RALGAPB: variants seen among roughly 807,000 people sequenced by gnomAD.
RALGAPB encodes ral GTPase-activating protein subunit beta.
In RALGAPB, 25 loss-of-function variants were observed where a neutral mutation model predicts 161.1. That is an observed-to-expected ratio of 0.16 (90% CI 0.11 to 0.22). The LOEUF is 0.22. Among genes scored for constraint, RALGAPB ranks in the 10% least tolerant of loss-of-function variants. The probability of loss-of-function intolerance (pLI) is 1.00; values close to 1 mark genes in which losing one functional copy is unlikely to be tolerated. For missense variants in RALGAPB, 1,391 were observed against 1,815.2 expected (o/e 0.77, Z 4.25); for synonymous variants, 629 against 626.1 (o/e 1.00, Z -0.07).
intron 1 of RALGAPB, among the ~76,000 whole-genome samples, chr20:38,477,422 T>C (rs2084838028): frequency 6.6e-6 from 1 of 152,116 alleles, no homozygotes; most frequent in South Asian, 2.1e-4. Flanking sequence ...TTTTCCATGT[T>C]TTGGGAGAGA....
intron 27 of RALGAPB, among the ~76,000 whole-genome samples, chr20:38,570,518 C>G (rs2088192030): frequency 6.6e-6 from 1 of 152,194 alleles, no homozygotes; most frequent in Non-Finnish European, 1.5e-5. Flanking sequence ...GTGATAGTTA[C>G]TTTTCAACCA....
intron 16 of RALGAPB, among the ~76,000 whole-genome samples, chr20:38,535,593 CTTT>C (rs35132331): frequency 2.1e-5 from 3 of 141,052 alleles, no homozygotes; most frequent in Non-Finnish European, 1.6e-5. Context: ...CTGGCTACAC[CTTT>C]TTTTTTTTTT....
chr20:38,494,821 C>G (rs1358160537), intron 3 of RALGAPB, among the ~76,000 whole-genome samples: 1 of 152,308 alleles, frequency 6.6e-6, no homozygotes, highest in Admixed American at 6.5e-5. Flanking sequence ...TCTCTTTCCT[C>G]TTTGTAAGCC....
At chr20:38,570,154 C>T (rs1382461609) in intron 27 of RALGAPB, among the ~76,000 whole-genome samples, 158 bp downstream of exon 27, 1 of 152,204 alleles carries the variant, frequency 6.6e-6, no homozygotes, top group Non-Finnish European at 1.5e-5. Context: ...TACTCAGTTT[C>T]TTTAAGCCTT....
chr20:38,479,507 G>A (rs1004145704), intron 1 of RALGAPB, among the ~76,000 whole-genome samples: 3 of 152,032 alleles, frequency 2.0e-5, no homozygotes, highest in South Asian at 2.1e-4. Context: ...GTTATTTTGC[G>A]GTGGTGCTTA....
chr20:38,473,522 C>G (rs1487256287), intron 1 of RALGAPB, among the ~76,000 whole-genome samples: 1 of 152,160 alleles, frequency 6.6e-6, no homozygotes, highest in Admixed American at 6.5e-5. Context: ...GCTTCTTATC[C>G]GCCAGGCATC....
chr20:38,558,362 A>G lies in RALGAPB; in HGVS notation c.3440A>G (p.Asp1147Gly). Reference sequence around the variant, plus strand: ...GATTCCACGATACCTGGATTTTTTGATGACATTGGGTATCTGGATCTCTTG... The same window carrying G: ...GATTCCACGATACCTGGATTTTTTGGTGACATTGGGTATCTGGATCTCTTG... ...ALDSTIPGFF[D>G]DIGYLDLLPC... The change falls in exon 23 of 30, where the codon GAT becomes GGT. Residue 1147 changes from aspartate (D) to glycine (G), a missense_variant. Physicochemically the swap from Asp to Gly is moderately conservative, Grantham distance 94. Around this residue, in one of 3 missense-constraint regions of RALGAPB, gnomAD observed 436 missense variants for 527.0 expected, o/e 0.83. Transcript: ENST00000262879. The G allele has an allele frequency of 1.2e-6, 2 of 1,608,018 alleles. No homozygotes were observed. Among genetic ancestry groups the G allele is most frequent in the Non-Finnish European group, 1.7e-6 (2 of 1,176,414 alleles).
Position 38,523,360 on chromosome 20 carries a change from G to A in RALGAPB, c.1620-1418G>A, listed in dbSNP as rs149902335. On this transcript the variant is annotated intron_variant, in intron 10 of 29. Transcript: ENST00000262879. ...CTTGTTGTGGGGGCATGTTTCTCAG[G>A]AACTCTGGGCTGGGGAGATATCCTA... 5.9e-5 allele frequency among the ~76,000 whole-genome samples: 9 copies of A among 152,252 alleles called. No individual in the cohort carries two copies. In the East Asian group the frequency reaches 1.5e-3, roughly 26 times the overall value.
intron 18 of RALGAPB, among the ~76,000 whole-genome samples, 169 bp downstream of exon 18, chr20:38,541,361 C>T (rs151275670): frequency 5.9e-5 from 9 of 151,510 alleles, no homozygotes; most frequent in African/African-American, 1.9e-4. Flanking sequence ...TTTTTTTTTA[C>T]GTGTTTTGTA....
intron 9 of RALGAPB, among the ~76,000 whole-genome samples, chr20:38,519,632 T>C (rs2086231891): frequency 6.6e-6 from 1 of 152,136 alleles, no homozygotes; most frequent in South Asian, 2.1e-4. Flanking sequence ...ACTTTAAAAT[T>C]TTTCCTTGCT....
At chr20:38,478,501 A>G (rs901258057) in intron 1 of RALGAPB, among the ~76,000 whole-genome samples, 1 of 152,124 alleles carries the variant, frequency 6.6e-6, no homozygotes, top group Non-Finnish European at 1.5e-5. Context: ...GCTCACTGCA[A>G]CCTTCGCCTC....
chr20:38,553,938 A>G lies in RALGAPB; in HGVS notation c.3234A>G (p.Gln1078=). 6.2e-7 allele frequency: 1 copy of G among 1,613,856 alleles called. No homozygotes were observed. The change falls in exon 22 of 30, where the codon CAA becomes CAG. Residue 1078 remains glutamine, a synonymous_variant. Transcript: ENST00000262879. ...TTGCTTATGAAATACACCTTGAGCAACAGAGTGAGGAGGAATTGCAGAAGA... is the reference window on the plus strand; with the variant it reads ...TTGCTTATGAAATACACCTTGAGCAGCAGAGTGAGGAGGAATTGCAGAAGA... The part of the protein sequence containing the change: ...QQIAYEIHLE[Q]QSEEELQKRS...
chr20:38,477,083 C>G (rs1265092551), intron 1 of RALGAPB, among the ~76,000 whole-genome samples: 1 of 152,118 alleles, frequency 6.6e-6, no homozygotes, highest in East Asian at 1.9e-4. Flanking sequence ...TCTGAAGCAG[C>G]TCTGTCAAAT....
At chr20:38,538,845 T>C (rs2086884995) in intron 16 of RALGAPB, among the ~76,000 whole-genome samples, 1 of 152,178 alleles carries the variant, frequency 6.6e-6, no homozygotes. Context: ...AGCTTGGCTG[T>C]TCCTTAAAAA....
chr20:38,479,424 C>G (rs1364099253), intron 1 of RALGAPB, among the ~76,000 whole-genome samples: 1 of 152,202 alleles, frequency 6.6e-6, no homozygotes, highest in Non-Finnish European at 1.5e-5. Flanking sequence ...TAATTAATGT[C>G]AGGCTATGGT....
intron 20 of RALGAPB, among the ~76,000 whole-genome samples, chr20:38,549,567 C>T (rs981649354): frequency 6.0e-5 from 6 of 100,298 alleles, no homozygotes; most frequent in East Asian, 4.0e-4. Flanking sequence ...TATATATACA[C>T]ACACACACAC....
At position 38,531,169 on chromosome 20, in the gene RALGAPB, G is replaced by T. The variant is rs764999533; in HGVS notation, c.2053G>T (p.Ala685Ser). Residue 685 changes from alanine (A) to serine (S), a missense_variant and splice_region_variant, in exon 14 of 30, where the codon GCA (alanine) becomes TCA (serine). By Grantham distance (99) the Ala-to-Ser change is moderately conservative. Transcript: ENST00000262879. ...DPNNTQMILG[A>S]MLNIVQDSAL... is the part of the protein sequence containing the mutation. ...ATACTGTTTTATTGTTGTTGTAGGGGCAATGTTAAATATTGTTCAAGATTC... is the reference window on the plus strand; with the variant it reads ...ATACTGTTTTATTGTTGTTGTAGGGTCAATGTTAAATATTGTTCAAGATTC... The T allele has an allele frequency of 1.9e-6, 3 of 1,605,482 alleles. No individual in the cohort carries two copies. In the African/African-American group the frequency reaches 4.0e-5, roughly 21 times the overall value.
At position 38,578,069 on chromosome 20, in the gene RALGAPB, T is replaced by TA. The variant is rs1000146833; in HGVS notation, c.*3109dup. 5.3e-5 allele frequency: 8 copies of TA among 151,502 alleles called. No individual in the cohort carries two copies. Among genetic ancestry groups the TA allele is most frequent in the African/African-American group, 2.0e-4 (8 of 40,936 alleles). 9.4% of individuals were successfully genotyped at this position (151,502 alleles called of 1,614,324 possible). On this transcript the variant is annotated 3_prime_UTR_variant, in exon 30 of 30. Transcript: ENST00000262879. ...TAAAAATAAATAAATAAATAAATAA[T>TA]AAAAAAAGAAACATGTATTGGAGGT...
intron 1 of RALGAPB, among the ~76,000 whole-genome samples, chr20:38,478,639 A>G (rs972247898): frequency 6.0e-5 from 9 of 151,000 alleles, no homozygotes; most frequent in African/African-American, 2.2e-4. Flanking sequence ...TTTTTGAGAC[A>G]GAGTTTCGCT....
Sources: allele counts gnomAD v4.1 joint callset (sites outside exome capture counted in the v4.1 genomes callset), GRCh38; gene constraint gnomAD v4.1.1; regional missense constraint gnomAD v4.1.1; transcripts MANE v1.5; gene names NCBI Gene and HGNC (gene_info 2026-07-23, HGNC 2026-07-21).